PPARGC1A: variants seen among roughly 807,000 people sequenced by gnomAD.
PPARGC1A encodes PPARG coactivator 1 alpha.
A neutral mutation model predicts 88.7 loss-of-function variants in PPARGC1A; 25 were observed. The observed-to-expected ratio is 0.28, with a 90% CI of 0.21 to 0.39. The LOEUF (loss-of-function observed/expected upper bound fraction) is 0.39. Among genes scored for constraint, PPARGC1A ranks in the 10% least tolerant of loss-of-function variants. The pLI is 1.00. For missense variants in PPARGC1A, 880 were observed against 968.7 expected, an observed-to-expected ratio of 0.91 and a Z score of 1.22; for synonymous variants, 363 against 355.6, an observed-to-expected ratio of 1.02 and a Z score of -0.24.
chr4:24,215,903 T>C, the PPARGC1A span, among the ~76,000 whole-genome samples: 2 of 152,182 alleles, frequency 1.3e-5, no homozygotes, highest in Admixed American at 1.3e-4. Flanking sequence ...GTTCTTATAG[T>C]TCACCCCTAC....
chr4:23,918,856 A>G, the PPARGC1A span, among the ~76,000 whole-genome samples: 1 of 152,208 alleles, frequency 6.6e-6, no homozygotes, highest in Non-Finnish European at 1.5e-5. Context: ...TAAAGATAGG[A>G]GCAAGCGGCC....
chr4:24,462,147 G>A, the PPARGC1A span, among the ~76,000 whole-genome samples: 993 of 152,050 alleles, frequency 6.5e-3, 9 homozygotes, highest in Non-Finnish European at 0.011. Flanking sequence ...GTGCAGTGGC[G>A]GGATCTCGGC....
chr4:23,925,341 G>C, the PPARGC1A span, among the ~76,000 whole-genome samples: 1 of 152,172 alleles, frequency 6.6e-6, no homozygotes, highest in East Asian at 1.9e-4. Flanking sequence ...CGCAGGCCAT[G>C]TGTTTATAAG....
the PPARGC1A span, among the ~76,000 whole-genome samples, chr4:24,301,220 C>T: frequency 2.0e-5 from 3 of 152,058 alleles, no homozygotes; most frequent in Non-Finnish European, 2.9e-5. Flanking sequence ...TTTCAATCTT[C>T]ATCGTAAAAA....
At chr4:24,095,780 T>C in the PPARGC1A span, among the ~76,000 whole-genome samples, 1 of 152,220 alleles carries the variant, frequency 6.6e-6, no homozygotes, top group East Asian at 1.9e-4. Flanking sequence ...TGGTGAGGGC[T>C]GCTTCTCTGG....
the PPARGC1A span, among the ~76,000 whole-genome samples, chr4:24,362,338 T>C: frequency 7.0e-6 from 1 of 143,238 alleles, no homozygotes; most frequent in Non-Finnish European, 1.5e-5. Flanking sequence ...TATGAGCTTC[T>C]TGAACACATG....
chr4:24,199,719 G>A, the PPARGC1A span, among the ~76,000 whole-genome samples: 19 of 152,276 alleles, frequency 1.2e-4, no homozygotes, highest in African/African-American at 4.6e-4. Flanking sequence ...GATACCAAGT[G>A]TTAGTGAGAA....
At chr4:24,382,961 G>T in the PPARGC1A span, among the ~76,000 whole-genome samples, 4 of 152,212 alleles carry the variant, frequency 2.6e-5, no homozygotes, top group Non-Finnish European at 5.9e-5. Context: ...CCCAGCAGGG[G>T]TTGATAGACA....
At chr4:23,939,277 T>C in the PPARGC1A span, among the ~76,000 whole-genome samples, 36 of 152,216 alleles carry the variant, frequency 2.4e-4, no homozygotes, top group Non-Finnish European at 3.4e-4. Flanking sequence ...ATAATGACAT[T>C]TTTCTGTGCT....
At chr4:23,899,910 A>G (rs532363043), upstream of PPARGC1A, among the ~76,000 whole-genome samples, 1 of 152,288 alleles carries the variant, frequency 6.6e-6, no homozygotes, top group East Asian at 1.9e-4. Flanking sequence ...TGATACATGT[A>G]CTTTTCAGTA....
At chr4:23,868,090 C>G (rs963614849) in intron 2 of PPARGC1A, among the ~76,000 whole-genome samples, 1 of 152,050 alleles carries the variant, frequency 6.6e-6, no homozygotes, top group African/African-American at 2.4e-5. Context: ...CGGTAAGGTA[C>G]CTGTTCCTGA....
the PPARGC1A span, among the ~76,000 whole-genome samples, chr4:24,244,386 A>C: frequency 6.6e-6 from 1 of 152,182 alleles, no homozygotes; most frequent in African/African-American, 2.4e-5. Flanking sequence ...TATCCTTTGG[A>C]CATATTAGTT....
chr4:23,904,079 G>A, upstream of PPARGC1A: 2 of 980,586 alleles, frequency 2.0e-6, no homozygotes, highest in Non-Finnish European at 2.4e-6. Context: ...ATGAGATGAG[G>A]GAACACTCAC....
At chr4:24,373,920 C>T in the PPARGC1A span, among the ~76,000 whole-genome samples, 1 of 152,138 alleles carries the variant, frequency 6.6e-6, no homozygotes, top group Non-Finnish European at 1.5e-5. Context: ...TGAGGAACAA[C>T]GATGCAAATT....
the PPARGC1A span, among the ~76,000 whole-genome samples, chr4:23,922,766 G>A: frequency 1.2e-4 from 18 of 152,240 alleles, no homozygotes; most frequent in East Asian, 1.9e-4. Flanking sequence ...AATATTCCGC[G>A]CCACTGGAGG....
the PPARGC1A span, among the ~76,000 whole-genome samples, chr4:24,010,624 C>A: frequency 1.1e-4 from 16 of 152,140 alleles, no homozygotes; most frequent in East Asian, 3.9e-4. Flanking sequence ...AACATTAATT[C>A]ATTCATTTAA....
chr4:24,457,527 TTTTGTTTGTTTGTTTG>T, the PPARGC1A span, among the ~76,000 whole-genome samples: 11 of 150,056 alleles, frequency 7.3e-5, no homozygotes, highest in Non-Finnish European at 1.3e-4. Flanking sequence ...AGATACTGTT[TTTTGTTTGTTTGTTTG>T]TTTGTTTGTT....
At chr4:24,243,999 G>T in the PPARGC1A span, among the ~76,000 whole-genome samples, 1 of 152,202 alleles carries the variant, frequency 6.6e-6, no homozygotes, top group African/African-American at 2.4e-5. Flanking sequence ...CGTGTTGAGG[G>T]TTTCTTTGTT....
the PPARGC1A span, among the ~76,000 whole-genome samples, chr4:24,321,228 G>C: frequency 6.6e-6 from 1 of 152,148 alleles, no homozygotes; most frequent in Non-Finnish European, 1.5e-5. Flanking sequence ...GAAGCAAAAA[G>C]AAACAAAGGT....
Sources: allele counts gnomAD v4.1 joint callset (sites outside exome capture counted in the v4.1 genomes callset), GRCh38; gene constraint gnomAD v4.1.1; transcripts MANE v1.5; gene names NCBI Gene and HGNC (gene_info 2026-07-23, HGNC 2026-07-21).